EIF2AK4: variants seen among roughly 807,000 people sequenced by gnomAD.
The protein encoded by EIF2AK4 is eukaryotic translation initiation factor 2 alpha kinase 4, also known as eIF-2-alpha kinase GCN2.
In EIF2AK4, 139 loss-of-function variants were observed where a neutral mutation model predicts 211.1. That is an observed-to-expected ratio of 0.66 (90% CI 0.57 to 0.76). The LOEUF is 0.76. EIF2AK4 is among the 30% of genes least tolerant of loss of function. The pLI, the probability that EIF2AK4 is intolerant of heterozygous loss-of-function variation, is 0.00. For missense variants in EIF2AK4, 1,664 were observed against 2,043.8 expected (o/e 0.81, Z 3.58); for synonymous variants, 710 against 751.3 (o/e 0.94, Z 0.90).
rs764935060 is a variant in EIF2AK4 at position 39,934,332 on chromosome 15, G to A, written c.137G>A (p.Cys46Tyr). 6.2e-7 allele frequency: 1 copy of A among 1,608,570 alleles called. No individual in the cohort carries two copies. Among genetic ancestry groups the A allele is most frequent in the African/African-American group, 1.3e-5 (1 of 74,836 alleles). Residue 46 changes from cysteine to tyrosine, a missense_variant, in exon 1 of 39, where the codon TGC becomes TAC. Physicochemically the swap from Cys to Tyr is radical, Grantham distance 194. Transcript: ENST00000263791. The stretch of plus-strand genomic sequence containing the variant: ...TTCCAAGACCTGCGGCCGGACGCTT[G>A]CGGACCGGTAGGAACGTGGCTTGTC... The part of the protein sequence containing the change: ...ADFQDLRPDA[C>Y]GPVKEPPEIN...
At chr15:39,958,340 A>C (rs2034420660) in intron 6 of EIF2AK4, among the ~76,000 whole-genome samples, 1 of 152,240 alleles carries the variant, frequency 6.6e-6, no homozygotes, top group African/African-American at 2.4e-5. Flanking sequence ...AGAATCTAGA[A>C]TATATCACCT....
chr15:39,952,677 T>G (rs554860159), intron 4 of EIF2AK4, among the ~76,000 whole-genome samples: 1 of 152,300 alleles, frequency 6.6e-6, no homozygotes, highest in Non-Finnish European at 1.5e-5. Context: ...GTTCTTAGGT[T>G]CTTATGCTTG....
chr15:40,021,120 T>TAAAC, intron 31 of EIF2AK4, 93 bp downstream of exon 31: 1 of 1,383,246 alleles, frequency 7.2e-7, no homozygotes, highest in Non-Finnish European at 9.6e-7. Context: ...CAAACTCTGT[T>TAAAC]TATCTCTGTA....
At chr15:39,971,033 T>C (rs976337406) in intron 9 of EIF2AK4, among the ~76,000 whole-genome samples, 1 of 152,182 alleles carries the variant, frequency 6.6e-6, no homozygotes, top group African/African-American at 2.4e-5. Context: ...GTTGATTCTT[T>C]TAAGTATATT....
At chr15:39,992,271 C>G (rs1464388756) in intron 17 of EIF2AK4, 42 bp downstream of exon 17, 1 of 1,515,904 alleles carries the variant, frequency 6.6e-7, no homozygotes, top group Non-Finnish European at 8.9e-7. Context: ...GTGTTAAAGA[C>G]CCCAGAATTT....
rs1334439382 is a variant in EIF2AK4 at position 39,934,336 on chromosome 15, A to G, written c.141A>G (p.Gly47=). 1 of 1,606,968 alleles carries G rather than the reference A, an allele frequency of 6.2e-7. No homozygotes were observed. The highest frequency in any genetic ancestry group is 8.5e-7 in the Non-Finnish European group (1 of 1,177,016). ...AAGACCTGCGGCCGGACGCTTGCGG[A>G]CCGGTAGGAACGTGGCTTGTCAGGC... ...DFQDLRPDAC[G]PVKEPPEINL... is the part of the protein sequence containing the mutation. The change falls in exon 1 of 39, where the codon GGA becomes GGG. Residue 47 remains glycine (G), a synonymous_variant. Transcript: ENST00000263791.
chr15:39,999,205 G>A (rs1309826891), intron 20 of EIF2AK4, among the ~76,000 whole-genome samples: 1 of 152,106 alleles, frequency 6.6e-6, no homozygotes, highest in Non-Finnish European at 1.5e-5. Context: ...TGCATTTTCT[G>A]GACAGTCTAT....
At position 40,002,718 on chromosome 15, in the gene EIF2AK4, C is replaced by A; in HGVS notation, c.3165C>A (p.Asn1055Lys). Residue 1055 changes from asparagine (N) to lysine (K), a missense_variant, in exon 22 of 39, where the codon AAC (asparagine) becomes AAA (lysine). Coordinates refer to ENST00000263791, the MANE Select transcript of EIF2AK4 (RefSeq NM_001013703.4). ...TTTAATCGGTCCTGTTTTAGGGCAA[C>A]TTCTCAATCCGTACAGCCAAGATGC... The part of the protein sequence containing the change: ...YTYDSDILKG[N>K]FSIRTAKMQQ... 1 of 1,614,196 alleles carries A rather than the reference C, an allele frequency of 6.2e-7. No individual in the cohort carries two copies. The highest frequency in any genetic ancestry group is 1.6e-4 in the Middle Eastern group (1 of 6,062).
intron 27 of EIF2AK4, among the ~76,000 whole-genome samples, chr15:40,012,402 A>T (rs1019213894): frequency 6.6e-6 from 1 of 152,174 alleles, no homozygotes; most frequent in African/African-American, 2.4e-5. Flanking sequence ...AAATTGAGCC[A>T]GGTTAAATCT....
chr15:40,018,755 A>C (rs2035343177), intron 29 of EIF2AK4, among the ~76,000 whole-genome samples: 1 of 152,226 alleles, frequency 6.6e-6, no homozygotes, highest in Non-Finnish European at 1.5e-5. Context: ...ATTATTAACA[A>C]GGATTTTACA....
intron 19 of EIF2AK4, among the ~76,000 whole-genome samples, chr15:39,997,853 T>A (rs1201957860): frequency 6.6e-6 from 1 of 151,984 alleles, no homozygotes; most frequent in Non-Finnish European, 1.5e-5. Context: ...TGGGTGAGAG[T>A]GATTTAAATT....
rs2035603851 is a variant in EIF2AK4 at position 40,035,463 on chromosome 15, G to GTCTT, written c.*380_*383dup. ...GTCTGGGACAACAGAGCAAGACCCT[G>GTCTT]TCTTAAAAAAAAAAAGAAAAAAAAA... On this transcript the variant is annotated 3_prime_UTR_variant, in exon 39 of 39. Transcript: ENST00000263791. 1 of 155,598 alleles carries GTCTT rather than the reference G, an allele frequency of 6.4e-6. No individual in the cohort carries two copies. Among genetic ancestry groups the GTCTT allele is most frequent in the Non-Finnish European group, 1.4e-5 (1 of 72,292 alleles). The allele number at this position is 155,598 out of a possible 1,614,324, so 9.6% of individuals were successfully genotyped here.
intron 18 of EIF2AK4, among the ~76,000 whole-genome samples, chr15:39,994,610 A>G (rs1254249276): frequency 2.0e-5 from 3 of 152,216 alleles, no homozygotes; most frequent in Non-Finnish European, 2.9e-5. Context: ...CCCTGTCTGA[A>G]TCAATTATAT....
At chr15:39,968,480 A>C (rs555143225) in intron 9 of EIF2AK4, among the ~76,000 whole-genome samples, 5 of 152,260 alleles carry the variant, frequency 3.3e-5, no homozygotes, top group African/African-American at 1.2e-4. Flanking sequence ...TCCTTCACTT[A>C]AGTGTTTTCT....
At chr15:39,946,498 G>A (rs556640001) in intron 3 of EIF2AK4, 1 of 696,194 alleles carries the variant, frequency 1.4e-6, no homozygotes, top group South Asian at 1.5e-5. Context: ...GAGAGAAAGT[G>A]GTTTCTTGAG....
In EIF2AK4 at chr15:40,025,727, C is replaced by T. The variant is rs114959637; in HGVS notation, c.4390-250C>T. On this transcript the variant is annotated intron_variant, in intron 32 of 38. Transcript: ENST00000263791. Reference sequence around the variant, plus strand: ...ACAGCAGCGCTGTTCACATTTTGGGCCAAATAATTCTCTGTTGTAGGGGGC... The same window carrying T: ...ACAGCAGCGCTGTTCACATTTTGGGTCAAATAATTCTCTGTTGTAGGGGGC... Among the ~76,000 whole-genome samples, 735 of 152,310 alleles carry T rather than the reference C, an allele frequency of 4.8e-3. 7 individuals carry two copies. The highest frequency in any genetic ancestry group is 0.017 in the African/African-American group (717 of 41,564).
At chr15:39,942,272 C>A (rs925252928) in intron 2 of EIF2AK4, among the ~76,000 whole-genome samples, 2 of 152,102 alleles carry the variant, frequency 1.3e-5, no homozygotes, top group African/African-American at 4.8e-5. Context: ...AATTTCAGCC[C>A]CATCCCAGAC....
chr15:39,963,067 G>T (rs1057283627), intron 7 of EIF2AK4, among the ~76,000 whole-genome samples: 2 of 152,206 alleles, frequency 1.3e-5, no homozygotes, highest in Non-Finnish European at 2.9e-5. Context: ...GCAGCCAGCA[G>T]GTGGAGGGAG....
chr15:39,953,988 C>T lies in EIF2AK4; in HGVS notation c.594+4C>T, dbSNP rs1476081973. On this transcript the variant is annotated splice_donor_region_variant and intron_variant, in intron 5 of 38. Coordinates refer to ENST00000263791, the MANE Select transcript of EIF2AK4 (RefSeq NM_001013703.4). ...AAGGAAAGAAATGGCTAAGCAGGTA[C>T]CCTATCAACTCCACCATAATAATTT... The T allele has an allele frequency of 1.3e-6, 2 of 1,574,134 alleles. No individual in the cohort carries two copies. The highest frequency in any genetic ancestry group is 2.7e-5 in the African/African-American group (2 of 74,044).
Sources: allele counts gnomAD v4.1 joint callset (sites outside exome capture counted in the v4.1 genomes callset), GRCh38; gene constraint gnomAD v4.1.1; transcripts MANE v1.5; gene names NCBI Gene and HGNC (gene_info 2026-07-23, HGNC 2026-07-21).